ARAF: variants seen among roughly 807,000 people sequenced by gnomAD.
The protein encoded by ARAF is serine/threonine-protein kinase A-Raf.
A neutral mutation model predicts 48.0 loss-of-function variants in ARAF; 18 were observed. That is an observed-to-expected ratio of 0.37 (90% CI 0.26 to 0.56). The LOEUF is 0.56. Among genes scored for constraint, ARAF ranks in the 20% least tolerant of loss-of-function variants. The probability of loss-of-function intolerance (pLI) is 0.77; values close to 1 mark genes in which losing one functional copy is unlikely to be tolerated. For missense variants in ARAF, 389 were observed against 543.1 expected (o/e 0.72, Z 2.82); for synonymous variants, 207 against 220.1 (o/e 0.94, Z 0.53).
Position 47,569,642 on chromosome X carries a change from A to T in ARAF, c.1404A>T (p.Gly468=). Residue 468 remains glycine, a synonymous_variant, in exon 13 of 16, where the codon GGA becomes GGT. Coordinates refer to ENST00000377045, the MANE Select transcript of ARAF (RefSeq NM_001654.5). The part of the protein sequence containing the change: ...SGAQPLEQPS[G]SVLWMAAEVI... ...CCCAGCCCTTGGAGCAGCCCTCAGG[A>T]TCTGTGCTGTGGATGGTGAGTTGGG... 1 of 1,209,184 alleles carries T rather than the reference A, an allele frequency of 8.3e-7. No individual in the cohort carries two copies. Among genetic ancestry groups the T allele is most frequent in the Non-Finnish European group, 1.1e-6 (1 of 894,187 alleles).
At chrX:47,571,142 TTTCACCATGAGGCTGGGACTGTTGGGG>T in intron 15 of ARAF, 130 bp downstream of exon 15, 2 of 977,057 alleles carry the variant, frequency 2.0e-6, no homozygotes, top group Non-Finnish European at 2.8e-6. Flanking sequence ...TGTGTGTGTG[TTTCACCATGAGGCTGGGACTGTTGGGG>T]GTGTGTGTGT....
chrX:47,569,547 C>T lies in ARAF; in HGVS notation c.1309C>T (p.Leu437=), dbSNP rs369477994. The T allele has an allele frequency of 1.7e-6, 2 of 1,207,432 alleles. No homozygotes were observed. The highest frequency in any genetic ancestry group is 2.2e-6 in the Non-Finnish European group (2 of 892,750). ...HRDLKSNNIF[L]HEGLTVKIGD... ...GTCCTTGACCCTGGCGGACATCTTCCTACATGAGGGGCTCACGGTGAAGAT... is the reference window on the plus strand; with the variant it reads ...GTCCTTGACCCTGGCGGACATCTTCTTACATGAGGGGCTCACGGTGAAGAT... Residue 437 remains leucine, a synonymous_variant, in exon 13 of 16, where the codon CTA becomes TTA. Coordinates refer to ENST00000377045, the MANE Select transcript of ARAF (RefSeq NM_001654.5).
intron 6 of ARAF, chrX:47,566,103 T>C (rs957562532): frequency 2.7e-5 from 3 of 111,779 alleles, no homozygotes; most frequent in African/African-American, 9.7e-5. Flanking sequence ...TGTATAACAA[T>C]ATGGTAATAT....
rs73496208 is a variant in ARAF at position 47,568,576 on chromosome X, A to G, written c.1077-142A>G. On this transcript the variant is annotated intron_variant, in intron 10 of 15. Coordinates refer to ENST00000377045, the MANE Select transcript of ARAF (RefSeq NM_001654.5). ...TCTCACAAATTCATGGAATCTGGCA[A>G]TGCTTTGGTCCTGAGTGCCCCAAAA... 3,532 of 592,786 alleles carry G rather than the reference A, an allele frequency of 6.0e-3. 19 individuals carry two copies. The highest frequency in any genetic ancestry group is 0.011 in the African/African-American group (495 of 43,558). 48.9% of individuals were successfully genotyped at this position (592,786 alleles called of 1,213,427 possible). A position where few individuals can be genotyped will look rare whatever the true frequency, so the allele number is the denominator to read the frequency against.
At position 47,571,453 on chromosome X, in the gene ARAF, C is replaced by T. The variant is rs2057757955; in HGVS notation, c.1817C>T (p.Pro606Leu). ...CTACTCAGCGCAGCCCGCCTTGTGC[C>T]TTAGGCCCCGCCCAAGCCACCAGGG... ...ACLLSAARLVP is the reference protein window; with the variant it reads ...ACLLSAARLVL Residue 606 changes from proline to leucine, a missense_variant, in exon 16 of 16, where the codon CCT becomes CTT. Around this residue, in one of 4 missense-constraint regions of ARAF, gnomAD observed 170 missense variants for 281.4 expected, o/e 0.60. Transcript: ENST00000377045. 8.3e-7 allele frequency: 1 copy of T among 1,202,405 alleles called. No individual in the cohort carries two copies.
intron 10 of ARAF, 30 bp from the exon 11 acceptor site, chrX:47,568,688 C>T (rs759472903): frequency 8.3e-7 from 1 of 1,198,779 alleles, no homozygotes; most frequent in Non-Finnish European, 1.1e-6. Context: ...TTTTCCTCCC[C>T]ACCTCTGACA....
rs763947223 is a variant in ARAF at position 47,565,156 on chromosome X, G to A, written c.458+17G>A. The A allele has an allele frequency of 7.5e-6, 9 of 1,207,267 alleles. No homozygotes were observed. In the South Asian group the frequency reaches 1.4e-4, roughly 19 times the overall value. On this transcript the variant is annotated intron_variant, in intron 5 of 15. Coordinates refer to ENST00000377045, the MANE Select transcript of ARAF (RefSeq NM_001654.5). ...CCGCCAACAGTGAGCCCAGCCTGGGGTGGGTGGGGGGATGGGGAGCACAGA... is the reference window on the plus strand; with the variant it reads ...CCGCCAACAGTGAGCCCAGCCTGGGATGGGTGGGGGGATGGGGAGCACAGA...
chrX:47,569,057 G>A, intron 12 of ARAF, 24 bp downstream of exon 12: 1 of 1,185,113 alleles, frequency 8.4e-7, no homozygotes, highest in South Asian at 1.9e-5. Context: ...CCTGGGCTGG[G>A]GTTGAGTGGG....
At chrX:47,563,170 C>T in intron 2 of ARAF, 56 bp from the exon 3 acceptor site, 1 of 1,161,033 alleles carries the variant, frequency 8.6e-7, no homozygotes, top group South Asian at 1.9e-5. Flanking sequence ...AGGATGGGAA[C>T]ATCAGCTGCG....
In ARAF at chrX:47,563,460, T is replaced by A. The variant is rs186800352; in HGVS notation, c.200+131T>A. Reference sequence around the variant, plus strand: ...TCCCTTAGTCTTTAGTCCCCCCTTATCTGCAGGGTACATGTTCCAAGACCC... The same window carrying A: ...TCCCTTAGTCTTTAGTCCCCCCTTAACTGCAGGGTACATGTTCCAAGACCC... On this transcript the variant is annotated intron_variant, in intron 3 of 15. Transcript: ENST00000377045. 4.9e-4 allele frequency: 261 copies of A among 529,197 alleles called. 1 individual carries two copies. In the African/African-American group the frequency reaches 5.4e-3, roughly 11 times the overall value. 43.6% of individuals were successfully genotyped at this position (529,197 alleles called of 1,213,427 possible). A position where few individuals can be genotyped will look rare whatever the true frequency, so the allele number is the denominator to read the frequency against.
intron 3 of ARAF, 56 bp downstream of exon 3, chrX:47,563,385 TCA>T (rs1163192468): frequency 1.1e-6 from 1 of 923,831 alleles, no homozygotes; most frequent in Non-Finnish European, 1.5e-6. Context: ...CATCCCCTCC[TCA>T]GTCATTTGAT....
chrX:47,564,918 G>A lies in ARAF; in HGVS notation c.303+19G>A. ...CAATTTTGTGAGTGCAGGGTGGACG[G>A]TGGGGGTGGACCATGGTTGGGGGTG... On this transcript the variant is annotated intron_variant, in intron 4 of 15. Coordinates refer to ENST00000377045, the MANE Select transcript of ARAF (RefSeq NM_001654.5). The A allele has an allele frequency of 8.3e-7, 1 of 1,210,622 alleles. No individual in the cohort carries two copies. Among genetic ancestry groups the A allele is most frequent in the Non-Finnish European group, 1.1e-6 (1 of 894,221 alleles).
At position 47,566,777 on chromosome X, in the gene ARAF, C is replaced by G. The variant is rs368024349; in HGVS notation, c.696C>G (p.Ile232Met). Reference sequence around the variant, plus strand: ...CGGCCCCCATGGACTCCAACCTCATCCAGGTTGGTGCTGTGGGGGACAATG... The same window carrying G: ...CGGCCCCCATGGACTCCAACCTCATGCAGGTTGGTGCTGTGGGGGACAATG... ...STTAPMDSNL[I>M]QLTGQSFSTD... The change falls in exon 7 of 16, where the codon ATC becomes ATG. Residue 232 changes from isoleucine (I) to methionine (M), a missense_variant. Transcript: ENST00000377045. The G allele has an allele frequency of 9.1e-6, 11 of 1,210,347 alleles. No individual in the cohort carries two copies. Among genetic ancestry groups the G allele is most frequent in the Non-Finnish European group, 1.1e-5 (10 of 894,636 alleles).
Position 47,567,315 on chromosome X carries a change from C to T in ARAF, c.959C>T (p.Ser320Leu). The T allele has an allele frequency of 6.6e-6, 8 of 1,210,966 alleles. No homozygotes were observed. Among genetic ancestry groups the T allele is most frequent in the Non-Finnish European group, 7.8e-6 (7 of 895,311 alleles). Residue 320 changes from serine (S) to leucine (L), a missense_variant, in exon 10 of 16, where the codon TCG (serine) becomes TTG (leucine). Ser to Leu is a moderately radical substitution (Grantham distance 145, BLOSUM62 -2). Coordinates refer to ENST00000377045, the MANE Select transcript of ARAF (RefSeq NM_001654.5). Reference sequence around the variant, plus strand: ...CTGCTGAAGAGGATCGGGACGGGCTCGTTTGGCACCGTGTTTCGAGGGCGG... The same window carrying T: ...CTGCTGAAGAGGATCGGGACGGGCTTGTTTGGCACCGTGTTTCGAGGGCGG... ...VQLLKRIGTG[S>L]FGTVFRGRWH...
intron 1 of ARAF, among the ~76,000 whole-genome samples, chrX:47,562,506 A>AAAC (rs1398710819): frequency 4.7e-4 from 51 of 107,687 alleles, no homozygotes; most frequent in African/African-American, 1.8e-3. Context: ...AAACAGAAAA[A>AAAC]AAAAAAAAAA....
intron 5 of ARAF, 22 bp downstream of exon 5, chrX:47,565,161 T>G (rs776439001): frequency 2.5e-6 from 3 of 1,197,464 alleles, no homozygotes; most frequent in Non-Finnish European, 2.3e-6. Context: ...CTGGGGTGGG[T>G]GGGGGGATGG....
At chrX:47,569,299 T>C (rs780749477) in intron 12 of ARAF, among the ~76,000 whole-genome samples, 4 of 111,765 alleles carry the variant, frequency 3.6e-5, no homozygotes, top group African/African-American at 6.5e-5. Flanking sequence ...ATCAGAGGCA[T>C]AGTGGGTTCG....
chrX:47,571,646 A>G lies in ARAF; in HGVS notation c.*189A>G. The G allele has an allele frequency of 1.7e-6, 1 of 591,585 alleles. No homozygotes were observed. Among genetic ancestry groups the G allele is most frequent in the Non-Finnish European group, 2.5e-6 (1 of 401,415 alleles). The allele number at this position is 591,585 out of a possible 1,213,427, so 48.8% of individuals were successfully genotyped here. On this transcript the variant is annotated 3_prime_UTR_variant, in exon 16 of 16. Coordinates refer to ENST00000377045, the MANE Select transcript of ARAF (RefSeq NM_001654.5). ...ATTGGGGGACCCCCGCCAAAGACTG[A>G]GCCCCCTGTCTCCTCCATCATTTGG...
At chrX:47,561,958 A>G (rs1350491712) in intron 1 of ARAF, among the ~76,000 whole-genome samples, 1 of 89,487 alleles carries the variant, frequency 1.1e-5, no homozygotes, top group Non-Finnish European at 2.1e-5. Flanking sequence ...CCTTCCGCAT[A>G]GTATGTAGTG....
Sources: allele counts gnomAD v4.1 joint callset (sites outside exome capture counted in the v4.1 genomes callset), GRCh38; gene constraint gnomAD v4.1.1; regional missense constraint gnomAD v4.1.1; transcripts MANE v1.5; gene names NCBI Gene and HGNC (gene_info 2026-07-23, HGNC 2026-07-21).